Variants in COG2 observed in about 807,000 individuals in gnomAD.
The protein encoded by COG2 is conserved oligomeric Golgi complex subunit 2.
Under a neutral mutation model 90.6 loss-of-function variants are expected in COG2, and 52 were observed. That is an observed-to-expected ratio of 0.57 (90% CI 0.46 to 0.72). COG2 has a LOEUF of 0.72. Among genes scored for constraint, COG2 ranks in the 30% least tolerant of loss-of-function variants. COG2 has a pLI of 0.00. For missense variants in COG2, 829 were observed against 891.2 expected (o/e 0.93, Z 0.89); for synonymous variants, 337 against 320.4 (o/e 1.05, Z -0.55).
chr1:230,669,235 T>G, intron 6 of COG2, 121 bp from the exon 7 acceptor site: 2 of 856,128 alleles, frequency 2.3e-6, no homozygotes, highest in Non-Finnish European at 3.6e-6. Flanking sequence ...GGAAAAGTTA[T>G]TATTTTGATT....
intron 17 of COG2, 121 bp from the exon 18 acceptor site, chr1:230,693,171 T>C: frequency 1.7e-6 from 1 of 603,504 alleles, no homozygotes; most frequent in South Asian, 2.2e-5. Context: ...AAAAATATCC[T>C]ACAAGTCTTC....
At chr1:230,685,311 G>A in intron 12 of COG2, 75 bp downstream of exon 12, 1 of 1,503,428 alleles carries the variant, frequency 6.7e-7, no homozygotes, top group South Asian at 1.2e-5. Context: ...AACTCCCTAA[G>A]ATTTTTGTAA....
At chr1:230,671,239 AGTT>A (rs1662441126) in intron 7 of COG2, 1 of 193,210 alleles carries the variant, frequency 5.2e-6, no homozygotes, top group Non-Finnish European at 1.1e-5. Flanking sequence ...TTTTTTTAAA[AGTT>A]GTTATTTTAT....
intron 7 of COG2, 60 bp from the exon 8 acceptor site, chr1:230,671,456 A>G (rs1662445596): frequency 6.8e-7 from 1 of 1,480,354 alleles, no homozygotes; most frequent in South Asian, 1.2e-5. Context: ...TTTCTCTGAA[A>G]TAGATCGTTT....
intron 8 of COG2, 30 bp downstream of exon 8, chr1:230,671,670 A>G (rs1571954236): frequency 6.2e-7 from 1 of 1,605,580 alleles, no homozygotes; most frequent in Admixed American, 1.7e-5. Flanking sequence ...GTGGACCCCC[A>G]CCTCCCTTTC....
intron 2 of COG2, 34 bp downstream of exon 2, chr1:230,659,659 A>G (rs779404515): frequency 5.7e-6 from 9 of 1,592,390 alleles, no homozygotes; most frequent in Admixed American, 1.7e-5. Flanking sequence ...ATTTACATAC[A>G]TACAATTTCT....
At position 230,642,575 on chromosome 1, in the gene COG2, G is replaced by T. The variant is rs751061110; in HGVS notation, c.-32G>T. ...GCAGCCTCCTGCGTTTTCTCGCTTG[G>T]ATCTTGGCACTGAGAGGCGGTGGCC... is the stretch of plus-strand genomic sequence containing the variant. On this transcript the variant is annotated 5_prime_UTR_variant, in exon 1 of 18. Transcript: ENST00000366669. 2.5e-6 allele frequency: 4 copies of T among 1,602,644 alleles called. No homozygotes were observed. In the South Asian group the frequency reaches 3.4e-5, roughly 14 times the overall value.
intron 1 of COG2, among the ~76,000 whole-genome samples, chr1:230,657,261 G>A (rs4846865): frequency 0.48 from 73,614 of 151,984 alleles, 18,474 homozygotes; most frequent in East Asian, 0.73. Context: ...GGCAGACTTG[G>A]TGGTGACAAA....
Position 230,687,139 on chromosome 1 carries a change from C to A in COG2, c.1578+7C>A. On this transcript the variant is annotated splice_region_variant and intron_variant, in intron 13 of 17. Coordinates refer to ENST00000366669, the MANE Select transcript of COG2 (RefSeq NM_007357.3). ...GGACAAGCTTCAGGAGCAGGTAAGC[C>A]TGTGTCCCAGAATAATTCCAGGTGC... 1 of 1,604,646 alleles carries A rather than the reference C, an allele frequency of 6.2e-7. No individual in the cohort carries two copies. Among genetic ancestry groups the A allele is most frequent in the Non-Finnish European group, 8.5e-7 (1 of 1,174,376 alleles).
chr1:230,668,749 A>G lies in COG2; in HGVS notation c.559A>G (p.Ser187Gly). 2.5e-6 allele frequency: 4 copies of G among 1,612,390 alleles called. No individual in the cohort carries two copies. Among genetic ancestry groups the G allele is most frequent in the Non-Finnish European group, 3.4e-6 (4 of 1,179,066 alleles). ...TCAGTTACAGTTTCATGCTGTTCAA[A>G]GCAAAGGCATGCCTCTTTTGGACAA... ...FNQLQFHAVQ[S>G]KGMPLLDKVR... The change falls in exon 6 of 18, where the codon AGC (serine) becomes GGC (glycine). Residue 187 changes from serine to glycine, a missense_variant. Physicochemically the swap from Ser to Gly is moderately conservative, Grantham distance 56. Transcript: ENST00000366669.
chr1:230,656,929 A>G (rs2102747351), intron 1 of COG2, among the ~76,000 whole-genome samples: 1 of 152,252 alleles, frequency 6.6e-6, no homozygotes, highest in East Asian at 1.9e-4. Flanking sequence ...CTTGGTAAAT[A>G]TTCCTCCATC....
intron 16 of COG2, 82 bp downstream of exon 16, chr1:230,690,235 T>A (rs1294005786): frequency 8.0e-7 from 1 of 1,254,288 alleles, no homozygotes; most frequent in Non-Finnish European, 1.1e-6. Context: ...AAGCACTGCG[T>A]ATGGATAAGG....
At position 230,690,065 on chromosome 1, in the gene COG2, T is replaced by C. The variant is rs1470124169; in HGVS notation, c.1846T>C (p.Phe616Leu). 1 of 1,613,424 alleles carries C rather than the reference T, an allele frequency of 6.2e-7. No homozygotes were observed. Among genetic ancestry groups the C allele is most frequent in the Non-Finnish European group, 8.5e-7 (1 of 1,179,672 alleles). ...TGTGGACAGTGCTCTGAAGCCCTTA[T>C]TCCAGCTTCAGAGCGGACACAAGGA... is the stretch of plus-strand genomic sequence containing the variant. ...SYVDSALKPL[F>L]QLQSGHKDKL... Residue 616 changes from phenylalanine (F) to leucine (L), a missense_variant, in exon 16 of 18, where the codon TTC becomes CTC. Physicochemically the swap from Phe to Leu is conservative, Grantham distance 22 (BLOSUM62 0). Transcript: ENST00000366669.
At chr1:230,669,711 T>A in intron 7 of COG2, 176 bp downstream of exon 7, 1 of 516,856 alleles carries the variant, frequency 1.9e-6, no homozygotes, top group East Asian at 3.1e-5. Context: ...GGAAGTAATG[T>A]TACGATGCCA....
chr1:230,666,093 C>A (rs1267370044), intron 5 of COG2, among the ~76,000 whole-genome samples: 1 of 152,196 alleles, frequency 6.6e-6, no homozygotes, highest in Non-Finnish European at 1.5e-5. Context: ...AGTCCTCAGA[C>A]TCATCAGTCT....
Position 230,642,526 on chromosome 1 carries a change from G to T in COG2, c.-81G>T. 1.4e-6 allele frequency: 2 copies of T among 1,421,042 alleles called. No individual in the cohort carries two copies. The highest frequency in any genetic ancestry group is 1.9e-6 in the Non-Finnish European group (2 of 1,032,076). 88.0% of individuals were successfully genotyped at this position (1,421,042 alleles called of 1,614,324 possible). A position where few individuals can be genotyped will look rare whatever the true frequency, so the allele number is the denominator to read the frequency against. ...CCCTGTGCCGTGGAAACTGGCGGTG[G>T]CCGCGGCCGCCGAGTCGGTCTGCGC... is the stretch of plus-strand genomic sequence containing the variant. On this transcript the variant is annotated 5_prime_UTR_variant, in exon 1 of 18. Coordinates refer to ENST00000366669, the MANE Select transcript of COG2 (RefSeq NM_007357.3).
intron 12 of COG2, among the ~76,000 whole-genome samples, chr1:230,685,634 A>G: frequency 6.6e-6 from 1 of 152,224 alleles, no homozygotes; most frequent in East Asian, 1.9e-4. Context: ...TTACAAAATG[A>G]TATTGTCATC....
In COG2 at chr1:230,688,157, T is replaced by G; in HGVS notation, c.1651+14T>G. 3 of 1,522,738 alleles carry G rather than the reference T, an allele frequency of 2.0e-6. No homozygotes were observed. Among genetic ancestry groups the G allele is most frequent in the Non-Finnish European group, 2.7e-6 (3 of 1,112,650 alleles). The allele number at this position is 1,522,738 out of a possible 1,614,324, so 94.3% of individuals were successfully genotyped here. On this transcript the variant is annotated intron_variant, in intron 14 of 17. Coordinates refer to ENST00000366669, the MANE Select transcript of COG2 (RefSeq NM_007357.3). ...CTTCTATCTCAGGTAAAAATGAATC[T>G]TGACTAAGCAAATCTTTGAATAAGA...
At chr1:230,671,426 T>G in intron 7 of COG2, 90 bp from the exon 8 acceptor site, 1 of 1,195,726 alleles carries the variant, frequency 8.4e-7, no homozygotes, top group African/African-American at 1.5e-5. Context: ...GAAGCAGATT[T>G]GTAAAGTTTT....
Sources: gnomAD v4.1 joint callset for allele counts (sites outside exome capture counted in the v4.1 genomes callset) on GRCh38, gnomAD v4.1.1 for gene constraint, MANE v1.5 for transcripts, NCBI Gene and HGNC (gene_info 2026-07-23, HGNC 2026-07-21) for gene names.